Variants in NCAM2 observed in about 807,000 individuals in gnomAD.
NCAM2 encodes the protein neural cell adhesion molecule 2.
NCAM2 carries 30 observed loss-of-function variants against 98.1 expected under a neutral mutation model. The observed-to-expected ratio is 0.31, with a 90% CI of 0.23 to 0.41. The LOEUF is 0.41. NCAM2 is among the 10% of genes least tolerant of loss of function. The probability of loss-of-function intolerance (pLI) is 1.00; values close to 1 mark genes in which losing one functional copy is unlikely to be tolerated. For missense variants in NCAM2, 867 were observed against 1,005.8 expected (o/e 0.86, Z 1.87); for synonymous variants, 368 against 342.4 (o/e 1.07, Z -0.83).
intron 15 of NCAM2, among the ~76,000 whole-genome samples, chr21:21,487,161 A>T (rs1489893623): frequency 1.3e-5 from 2 of 152,176 alleles, no homozygotes; most frequent in Admixed American, 6.5e-5. Flanking sequence ...AGGATTTTTT[A>T]AAAGTTTTAA....
At chr21:21,411,857 G>A (rs757453722) in intron 10 of NCAM2, among the ~76,000 whole-genome samples, 1 of 152,126 alleles carries the variant, frequency 6.6e-6, no homozygotes, top group Non-Finnish European at 1.5e-5. Flanking sequence ...TGGCTGGTTG[G>A]TAATTAAACC....
chr21:21,345,716 G>A (rs111785822), intron 8 of NCAM2, among the ~76,000 whole-genome samples: 5 of 152,090 alleles, frequency 3.3e-5, no homozygotes, highest in African/African-American at 1.2e-4. Flanking sequence ...GGGATAATAG[G>A]AACTTCCTAA....
chr21:21,357,597 T>C (rs1312177908), intron 8 of NCAM2, among the ~76,000 whole-genome samples: 11 of 152,168 alleles, frequency 7.2e-5, no homozygotes, highest in African/African-American at 2.4e-4. Flanking sequence ...GCATTGTCTT[T>C]AAGATTGAAA....
intron 8 of NCAM2, among the ~76,000 whole-genome samples, chr21:21,340,867 T>C (rs2075010508): frequency 6.6e-6 from 1 of 152,026 alleles, no homozygotes; most frequent in South Asian, 2.1e-4. Flanking sequence ...CAGTGTTATT[T>C]GAACTCTTTT....
intron 1 of NCAM2, among the ~76,000 whole-genome samples, chr21:21,265,629 G>A (rs561600023): frequency 4.0e-5 from 6 of 151,152 alleles, no homozygotes; most frequent in East Asian, 3.9e-4. Flanking sequence ...TGGAGCTAGA[G>A]GCCATTATCC....
At chr21:21,266,473 A>G (rs2072278154) in intron 1 of NCAM2, among the ~76,000 whole-genome samples, 1 of 152,142 alleles carries the variant, frequency 6.6e-6, no homozygotes, top group South Asian at 2.1e-4. Context: ...GAACCAACCC[A>G]AATGTCCATA....
intron 7 of NCAM2, 23 bp from the exon 8 acceptor site, chr21:21,338,366 A>G: frequency 2.5e-6 from 4 of 1,596,418 alleles, no homozygotes; most frequent in Non-Finnish European, 3.4e-6. Context: ...ATACCGGTTG[A>G]GTAATATATA....
At chr21:21,262,138 C>T (rs567164615) in intron 1 of NCAM2, among the ~76,000 whole-genome samples, 1 of 152,198 alleles carries the variant, frequency 6.6e-6, no homozygotes, top group South Asian at 2.1e-4. Context: ...AAACACACAA[C>T]CTTCCAAGAA....
chr21:21,089,933 A>G (rs901194534), intron 1 of NCAM2, among the ~76,000 whole-genome samples: 14 of 152,172 alleles, frequency 9.2e-5, no homozygotes, highest in Admixed American at 7.9e-4. Flanking sequence ...AGGGAATACA[A>G]ACTCAAAAGC....
intron 1 of NCAM2, among the ~76,000 whole-genome samples, chr21:21,171,600 C>A (rs1333839954): frequency 6.6e-6 from 1 of 152,036 alleles, no homozygotes; most frequent in Non-Finnish European, 1.5e-5. Flanking sequence ...CCTTGACTGC[C>A]ACAGACTGGA....
intron 1 of NCAM2, among the ~76,000 whole-genome samples, chr21:21,199,475 C>T (rs752573171): frequency 6.6e-6 from 1 of 152,144 alleles, no homozygotes; most frequent in African/African-American, 2.4e-5. Context: ...GCTTAGCATC[C>T]AGGCCCAAGG....
At chr21:21,476,238 G>T (rs1015495044) in intron 14 of NCAM2, among the ~76,000 whole-genome samples, 10 of 152,032 alleles carry the variant, frequency 6.6e-5, no homozygotes, top group Admixed American at 3.3e-4. Flanking sequence ...AGTGAGATTT[G>T]CAGTTGCAAT....
At chr21:21,068,567 C>A (rs927800960) in intron 1 of NCAM2, among the ~76,000 whole-genome samples, 3 of 149,890 alleles carry the variant, frequency 2.0e-5, no homozygotes, top group African/African-American at 7.4e-5. Context: ...TCACGCGATT[C>A]TTCTGCCTCA....
intron 8 of NCAM2, among the ~76,000 whole-genome samples, chr21:21,353,525 A>G (rs894384123): frequency 3.3e-5 from 5 of 152,184 alleles, no homozygotes; most frequent in Admixed American, 3.3e-4. Context: ...GCGAGTGCAC[A>G]TAAGGTCTCT....
chr21:21,051,881 C>T (rs2065115630), intron 1 of NCAM2, among the ~76,000 whole-genome samples: 1 of 152,178 alleles, frequency 6.6e-6, no homozygotes, highest in African/African-American at 2.4e-5. Flanking sequence ...AACAGTGGCA[C>T]AGATAAGCGA....
intron 9 of NCAM2, among the ~76,000 whole-genome samples, chr21:21,400,836 A>G (rs2076613235): frequency 6.6e-6 from 1 of 152,194 alleles, no homozygotes; most frequent in Non-Finnish European, 1.5e-5. Flanking sequence ...AGTGGCTTAC[A>G]TAGTTCTTTA....
In NCAM2 at chr21:21,450,302, TTGTGTGTGTGTGTG is replaced by T. The variant is rs144156360; in HGVS notation, c.1655-16299_1655-16286del. ...TTTTAATATATGCGTGTGTGTGTGT[TTGTGTGTGTGTGTG>T]TGTGCCTCATGTGTCTTAATATCTT... On this transcript the variant is annotated intron_variant, in intron 12 of 17. Coordinates refer to ENST00000400546, the MANE Select transcript of NCAM2 (RefSeq NM_004540.5). 9.0e-3 allele frequency among the ~76,000 whole-genome samples: 1,334 copies of T among 148,246 alleles called. 13 individuals are homozygous for T. The highest frequency in any genetic ancestry group is 0.031 in the African/African-American group (1,275 of 40,894).
Position 21,335,684 on chromosome 21 carries a change from TG to T in NCAM2, c.898+21del. ...GTCTTTGGTAAGTATTATAGCATAG[TG>T]GCTAAAACTGTTATGTCTATTGGAA... On this transcript the variant is annotated intron_variant, in intron 7 of 17. Coordinates refer to ENST00000400546, the MANE Select transcript of NCAM2 (RefSeq NM_004540.5). 6.4e-7 allele frequency: 1 copy of T among 1,565,274 alleles called. No individual in the cohort carries two copies. Among genetic ancestry groups the T allele is most frequent in the Non-Finnish European group, 8.6e-7 (1 of 1,158,268 alleles).
chr21:21,450,795 C>T (rs977725780), intron 12 of NCAM2, among the ~76,000 whole-genome samples: 1,201 of 17,724 alleles, frequency 0.068, 16 homozygotes, highest in African/African-American at 0.12. Context: ...TGTATGTATA[C>T]ACACACACAC....
Sources: allele counts gnomAD v4.1 joint callset (sites outside exome capture counted in the v4.1 genomes callset), GRCh38; gene constraint gnomAD v4.1.1; transcripts MANE v1.5; gene names NCBI Gene and HGNC (gene_info 2026-07-23, HGNC 2026-07-21).